The following ASPRV1 variants were observed in gnomAD, a reference collection of about 807,000 sequenced individuals.
The protein encoded by ASPRV1 is retroviral-like aspartic protease 1.
In ASPRV1, 7 loss-of-function variants were observed where a neutral mutation model predicts 11.0. The observed-to-expected ratio is 0.64, with a 90% confidence interval of 0.36 to 1.20. ASPRV1 has a LOEUF of 1.20. ASPRV1 is among the 50% of genes most tolerant of loss of function. The pLI is 0.02. For synonymous variants in ASPRV1, 136 were observed against 138.4 expected (o/e 0.98, Z 0.12); for missense variants, 299 against 320.0 (o/e 0.93, Z 0.50).
chr2:70,057,393 AAT>A, the ASPRV1 span, among the ~76,000 whole-genome samples: 8 of 152,170 alleles, frequency 5.3e-5, no homozygotes, highest in Non-Finnish European at 2.9e-5. Flanking sequence ...GTTTTCTCTT[AAT>A]GACAGATCTT....
chr2:69,959,983 G>A (rs2104267380), downstream of ASPRV1: 1 of 152,344 alleles, frequency 6.6e-6, no homozygotes, highest in South Asian at 2.1e-4. Flanking sequence ...CTGTGTATAT[G>A]TTCTTATACC....
the ASPRV1 span, among the ~76,000 whole-genome samples, chr2:69,985,335 G>A: frequency 1.5e-3 from 225 of 152,096 alleles, no homozygotes; most frequent in Middle Eastern, 3.4e-3. Context: ...GCACCTGATC[G>A]CCACTGGTTC....
chr2:69,954,291 A>G, the ASPRV1 span, among the ~76,000 whole-genome samples: 1 of 152,202 alleles, frequency 6.6e-6, no homozygotes, highest in Non-Finnish European at 1.5e-5. Context: ...ATACAGTCCC[A>G]GAATCCTTTG....
chr2:70,075,813 C>T, the ASPRV1 span, among the ~76,000 whole-genome samples: 1 of 151,610 alleles, frequency 6.6e-6, no homozygotes, highest in Admixed American at 6.6e-5. Flanking sequence ...CACGCCATTG[C>T]ATTCCAGCCT....
chr2:69,961,505 G>T lies in ASPRV1; in HGVS notation c.-69C>A. The T allele has an allele frequency of 6.2e-7, 1 of 1,614,104 alleles. No homozygotes were observed. The highest frequency in any genetic ancestry group is 8.5e-7 in the Non-Finnish European group (1 of 1,180,022). ...AAGAGAAACCCACAGAGCAGTGTCG[G>T]CGCAATCACGCTGGAAAACGGGGCC... On this transcript the variant is annotated 5_prime_UTR_variant, in exon 1 of 1. Coordinates refer to ENST00000320256, the MANE Select transcript of ASPRV1 (RefSeq NM_152792.4).
At chr2:69,974,020 C>A in the ASPRV1 span, among the ~76,000 whole-genome samples, 1 of 152,130 alleles carries the variant, frequency 6.6e-6, no homozygotes, top group African/African-American at 2.4e-5. Context: ...TGTACATAAT[C>A]TTAAAAGAAT....
chr2:69,966,550 G>T (rs953094635), upstream of ASPRV1, among the ~76,000 whole-genome samples: 1 of 152,244 alleles, frequency 6.6e-6, no homozygotes, highest in Non-Finnish European at 1.5e-5. Flanking sequence ...CAGCTTTGGG[G>T]ACATTAAGTC....
the ASPRV1 span, among the ~76,000 whole-genome samples, chr2:70,078,158 A>G: frequency 2.0e-5 from 3 of 152,176 alleles, no homozygotes; most frequent in Non-Finnish European, 2.9e-5. Context: ...CTCTGTTTCA[A>G]AAAAAATAAT....
At chr2:70,069,953 C>T in the ASPRV1 span, among the ~76,000 whole-genome samples, 4 of 152,022 alleles carry the variant, frequency 2.6e-5, no homozygotes, top group Non-Finnish European at 5.9e-5. Context: ...CAAGTGCCAA[C>T]AAGTGTTATT....
At chr2:70,086,831 G>A in the ASPRV1 span, 1 of 152,266 alleles carries the variant, frequency 6.6e-6, no homozygotes, top group Non-Finnish European at 1.5e-5. Flanking sequence ...ACAAACAGCA[G>A]AGCCGCGATT....
chr2:69,991,443 C>T, the ASPRV1 span, among the ~76,000 whole-genome samples: 2 of 152,102 alleles, frequency 1.3e-5, no homozygotes, highest in Non-Finnish European at 2.9e-5. Flanking sequence ...TTTTTTCCAC[C>T]CTGACAAGAC....
the ASPRV1 span, among the ~76,000 whole-genome samples, chr2:70,021,974 G>A: frequency 4.4e-4 from 67 of 151,888 alleles, no homozygotes; most frequent in African/African-American, 1.6e-3. Flanking sequence ...AAAGTGCTGG[G>A]ATTACAGGTG....
chr2:70,017,691 GA>G, the ASPRV1 span, among the ~76,000 whole-genome samples: 1 of 151,754 alleles, frequency 6.6e-6, no homozygotes, highest in African/African-American at 2.4e-5. Flanking sequence ...AAAGTTGCAG[GA>G]TACAAAATCA....
the ASPRV1 span, among the ~76,000 whole-genome samples, chr2:70,074,003 G>A: frequency 6.6e-6 from 1 of 151,138 alleles, no homozygotes; most frequent in African/African-American, 2.4e-5. Context: ...GCATGGTGGC[G>A]GGCGCCTGTA....
At chr2:70,008,787 T>C in the ASPRV1 span, among the ~76,000 whole-genome samples, 2 of 152,256 alleles carry the variant, frequency 1.3e-5, no homozygotes, top group East Asian at 3.9e-4. Flanking sequence ...TCTGGGATTG[T>C]AGTCCTGCCC....
the ASPRV1 span, among the ~76,000 whole-genome samples, chr2:70,004,850 C>T: frequency 2.0e-5 from 3 of 152,108 alleles, no homozygotes; most frequent in East Asian, 5.8e-4. Flanking sequence ...CACTGGTCCC[C>T]GTCTGTTGTT....
the ASPRV1 span, among the ~76,000 whole-genome samples, chr2:70,061,201 G>A: frequency 6.6e-5 from 10 of 151,948 alleles, no homozygotes; most frequent in Non-Finnish European, 1.5e-4. Context: ...TTCAAGACCA[G>A]CCTGGCTAAC....
chr2:70,081,154 G>A, the ASPRV1 span: 1 of 152,172 alleles, frequency 6.6e-6, no homozygotes, highest in Non-Finnish European at 1.5e-5. Flanking sequence ...CAGCATATGA[G>A]GTCAAATTGT....
chr2:69,962,809 G>A (rs1265045701), upstream of ASPRV1: 1 of 179,238 alleles, frequency 5.6e-6, no homozygotes, highest in Non-Finnish European at 1.2e-5. Context: ...TCTGCCTCTT[G>A]CTATGAACCA....
Sources: gnomAD v4.1 joint callset for allele counts (sites outside exome capture counted in the v4.1 genomes callset) on GRCh38, gnomAD v4.1.1 for gene constraint, MANE v1.5 for transcripts, NCBI Gene and HGNC (gene_info 2026-07-23, HGNC 2026-07-21) for gene names.